Variants in PACSIN1 observed in about 807,000 individuals in gnomAD.
The protein encoded by PACSIN1 is protein kinase C and casein kinase substrate in neurons protein 1.
PACSIN1 carries 15 observed loss-of-function variants against 59.5 expected under a neutral mutation model. That is an observed-to-expected ratio of 0.25 (90% CI 0.17 to 0.39). The LOEUF (loss-of-function observed/expected upper bound fraction) is 0.39. Among genes scored for constraint, PACSIN1 ranks in the 10% least tolerant of loss-of-function variants. The pLI, the probability that PACSIN1 is intolerant of heterozygous loss-of-function variation, is 1.00. For synonymous variants in PACSIN1, 210 were observed against 220.6 expected (o/e 0.95, Z 0.42); for missense variants, 420 against 580.2 (o/e 0.72, Z 2.84).
intron 1 of PACSIN1, among the ~76,000 whole-genome samples, chr6:34,472,271 C>CAAAA (rs61560626): frequency 2.3e-4 from 18 of 78,286 alleles, no homozygotes; most frequent in African/African-American, 3.8e-4. Context: ...GACTCTGTCT[C>CAAAA]AAAAAAAAAA....
chr6:34,485,155 C>T (rs531253456), intron 1 of PACSIN1: 97 of 152,100 alleles, frequency 6.4e-4, no homozygotes, highest in African/African-American at 1.9e-3. Flanking sequence ...GTGAGTCACT[C>T]GCTGGAGGGT....
intron 1 of PACSIN1, among the ~76,000 whole-genome samples, chr6:34,519,365 C>G (rs984263158): frequency 2.6e-5 from 4 of 152,174 alleles, no homozygotes; most frequent in African/African-American, 9.7e-5. Context: ...TTCTAATGAG[C>G]AGGCTCCCTG....
chr6:34,484,364 G>GT (rs1766762483), intron 1 of PACSIN1, among the ~76,000 whole-genome samples: 1 of 152,186 alleles, frequency 6.6e-6, no homozygotes, highest in Non-Finnish European at 1.5e-5. Flanking sequence ...GCCTCACACT[G>GT]TATGATTCCA....
At position 34,531,061 on chromosome 6, in the gene PACSIN1, G is replaced by C. The variant is rs1767585414; in HGVS notation, c.1037+474G>C. On this transcript the variant is annotated intron_variant, in intron 8 of 9. Coordinates refer to ENST00000244458, the MANE Select transcript of PACSIN1 (RefSeq NM_020804.5). The surrounding 1 kb of genome is among the most constrained non-coding windows in gnomAD (Gnocchi z 4.4). The stretch of plus-strand genomic sequence containing the variant: ...CTGCAGCCCCAGGGTTGGGGACCCC[G>C]GTCCAGATCACAGGAACCAAGCCTC... Among the ~76,000 whole-genome samples the C allele has an allele frequency of 6.6e-6, 1 of 152,172 alleles. No homozygotes were observed. Among genetic ancestry groups the C allele is most frequent in the Admixed American group, 6.5e-5 (1 of 15,274 alleles).
At chr6:34,475,169 G>C (rs546832039) in intron 1 of PACSIN1, among the ~76,000 whole-genome samples, 24 of 152,272 alleles carry the variant, frequency 1.6e-4, no homozygotes, top group African/African-American at 5.8e-4. Context: ...ACCTGCCCAA[G>C]CATTCCATGA....
rs1237658529 is a variant in PACSIN1, at chr6:34,533,229, G to A, written c.*699G>A. On this transcript the variant is annotated 3_prime_UTR_variant, in exon 10 of 10. Transcript: ENST00000244458. The stretch of plus-strand genomic sequence containing the variant: ...GAAGGGCATGCAGGCCCTCAGCCCG[G>A]GCTGTGCCAGCCCTCCCAGCCCCAG... The A allele has an allele frequency of 6.6e-5, 10 of 152,242 alleles. No homozygotes were observed. The East Asian group carries it at 1.9e-3, about 29-fold the overall frequency. 9.4% of individuals were successfully genotyped at this position (152,242 alleles called of 1,614,324 possible).
chr6:34,495,145 T>C (rs989358281), intron 1 of PACSIN1, among the ~76,000 whole-genome samples: 2 of 152,180 alleles, frequency 1.3e-5, no homozygotes, highest in African/African-American at 4.8e-5. Flanking sequence ...AGCTAGGCAT[T>C]AGGCAAAAAG....
rs984602173 is a variant in PACSIN1 at position 34,531,949 on chromosome 6, G to T, written c.1225+162G>T. 6.6e-6 allele frequency among the ~76,000 whole-genome samples: 1 copy of T among 151,682 alleles called. No homozygotes were observed. Among genetic ancestry groups the T allele is most frequent in the Non-Finnish European group, 1.5e-5 (1 of 67,926 alleles). On this transcript the variant is annotated intron_variant, in intron 9 of 9. Coordinates refer to ENST00000244458, the MANE Select transcript of PACSIN1 (RefSeq NM_020804.5). The surrounding 1 kb of genome is among the most constrained non-coding windows in gnomAD (Gnocchi z 4.4). ...AGAAGCTTGGGTCTGGATTGGGTGT[G>T]TGGTGGGGCAGGGGTGGTGCCTGAA...
chr6:34,467,118 C>T (rs540696011), intron 1 of PACSIN1, among the ~76,000 whole-genome samples: 15 of 152,192 alleles, frequency 9.9e-5, no homozygotes, highest in Non-Finnish European at 1.6e-4. Context: ...GCCCCTGGCA[C>T]AGCTGGGGTG....
chr6:34,486,834 AT>A (rs1381035857), intron 1 of PACSIN1, among the ~76,000 whole-genome samples: 1 of 151,994 alleles, frequency 6.6e-6, no homozygotes. Flanking sequence ...CTGGCTGCAC[AT>A]TAGAATTTTC....
At chr6:34,486,294 G>C (rs1319034586) in intron 1 of PACSIN1, among the ~76,000 whole-genome samples, 1 of 152,108 alleles carries the variant, frequency 6.6e-6, no homozygotes, top group Non-Finnish European at 1.5e-5. Context: ...TGAGAGGGAG[G>C]GAGGAGGAGG....
chr6:34,491,903 C>G (rs779625035), intron 1 of PACSIN1, among the ~76,000 whole-genome samples: 1 of 152,114 alleles, frequency 6.6e-6, no homozygotes, highest in East Asian at 1.9e-4. Context: ...TGAACCACCG[C>G]GCCCGGCCCC....
chr6:34,476,648 T>C (rs1411621765), intron 1 of PACSIN1, among the ~76,000 whole-genome samples: 1 of 152,190 alleles, frequency 6.6e-6, no homozygotes, highest in Non-Finnish European at 1.5e-5. Flanking sequence ...CCCCTTGTCA[T>C]TGGCCCTGAC....
Position 34,528,667 on chromosome 6 carries a change from G to T in PACSIN1, c.246G>T (p.Arg82=). The T allele has an allele frequency of 6.2e-7, 1 of 1,613,994 alleles. No homozygotes were observed. Among genetic ancestry groups the T allele is most frequent in the South Asian group, 1.1e-5 (1 of 91,076 alleles). The change falls in exon 4 of 10, where the codon CGG becomes CGT. Residue 82 remains arginine, a synonymous_variant. Transcript: ENST00000244458. ...GCCCACAGTATGGCAGCCTGGAGCG[G>T]GCCTGGGGTGCCATAATGACAGAGG... ...EKGPQYGSLE[R]AWGAIMTEAD...
At chr6:34,484,224 A>G (rs377767104) in intron 1 of PACSIN1, among the ~76,000 whole-genome samples, 5 of 152,328 alleles carry the variant, frequency 3.3e-5, no homozygotes, top group African/African-American at 1.2e-4. Flanking sequence ...GCAAATGGTT[A>G]TATAAACTGT....
chr6:34,518,369 G>C lies in PACSIN1; in HGVS notation c.-63-7874G>C, dbSNP rs1767329944. ...CAGACAGACGGACCCCTGCAGAGTG[G>C]CCAAGTGTGTGCTGACTGGTGTTGA... On this transcript the variant is annotated intron_variant, in intron 1 of 9. Coordinates refer to ENST00000244458, the MANE Select transcript of PACSIN1 (RefSeq NM_020804.5). The surrounding 1 kb of genome is among the most constrained non-coding windows in gnomAD (Gnocchi z 4.4). Among the ~76,000 whole-genome samples the C allele has an allele frequency of 6.6e-6, 1 of 152,312 alleles. No homozygotes were observed. Among genetic ancestry groups the C allele is most frequent in the East Asian group, 1.9e-4 (1 of 5,180 alleles).
chr6:34,502,566 C>T (rs1003542344), intron 1 of PACSIN1, among the ~76,000 whole-genome samples: 5 of 150,252 alleles, frequency 3.3e-5, no homozygotes, highest in Admixed American at 6.7e-5. Flanking sequence ...CCTGGGCTCA[C>T]GCCATTCTCC....
chr6:34,524,552 G>A (rs1767451598), intron 1 of PACSIN1, among the ~76,000 whole-genome samples: 1 of 152,178 alleles, frequency 6.6e-6, no homozygotes, highest in Non-Finnish European at 1.5e-5. Context: ...TTGCTTTAGT[G>A]ATATGGTCTG....
In PACSIN1 at chr6:34,517,204, G is replaced by C. The variant is rs571264543; in HGVS notation, c.-63-9039G>C. 2.6e-5 allele frequency among the ~76,000 whole-genome samples: 4 copies of C among 152,266 alleles called. No homozygotes were observed. The South Asian group carries it at 8.3e-4, about 32-fold the overall frequency. ...TCCAAACCATCGGCAGATCCTGTTG[G>C]CTGGAATGCCACAGCACTTCCAGAC... On this transcript the variant is annotated intron_variant, in intron 1 of 9. Transcript: ENST00000244458.
Sources: allele counts gnomAD v4.1 joint callset (sites outside exome capture counted in the v4.1 genomes callset), GRCh38; gene constraint gnomAD v4.1.1; non-coding constraint Gnocchi (gnomAD v3.1); transcripts MANE v1.5; gene names NCBI Gene and HGNC (gene_info 2026-07-23, HGNC 2026-07-21).